FGF12: variants seen among roughly 807,000 people sequenced by gnomAD.
FGF12 encodes the protein fibroblast growth factor 12B.
In FGF12, 14 loss-of-function variants were observed where a neutral mutation model predicts 23.6. That is an observed-to-expected ratio of 0.59 (90% CI 0.39 to 0.93). The LOEUF is 0.93. Among genes scored for constraint, FGF12 ranks in the 40% least tolerant of loss-of-function variants. The pLI is 0.00. For synonymous variants in FGF12, 62 were observed against 77.3 expected, an observed-to-expected ratio of 0.80 and a Z score of 1.04; for missense variants, 175 against 217.8, an observed-to-expected ratio of 0.80 and a Z score of 1.24.
At chr3:192,625,191 G>A (rs1404506143) in intron 2 of FGF12, among the ~76,000 whole-genome samples, 2 of 152,026 alleles carry the variant, frequency 1.3e-5, no homozygotes, top group African/African-American at 4.8e-5. Flanking sequence ...TAAATTTCTG[G>A]AAGTAGAATT....
chr3:192,647,983 C>T lies in FGF12; in HGVS notation c.13+79198G>A, dbSNP rs1716077279. Among the ~76,000 whole-genome samples the T allele has an allele frequency of 2.0e-5, 3 of 152,044 alleles. No homozygotes were observed. In the South Asian group the frequency reaches 6.2e-4, roughly 32 times the overall value. ...TTATCAAATGTGATCCTCATATCTGCTCTATGAAATGAGCAGTGCAGAAAG... is the reference window on the plus strand; with the variant it reads ...TTATCAAATGTGATCCTCATATCTGTTCTATGAAATGAGCAGTGCAGAAAG... On this transcript the variant is annotated intron_variant, in intron 2 of 5. Transcript: ENST00000445105.
At chr3:192,538,280 T>G (rs1166141270) in intron 2 of FGF12, among the ~76,000 whole-genome samples, 1 of 151,940 alleles carries the variant, frequency 6.6e-6, no homozygotes, top group African/African-American at 2.4e-5. Flanking sequence ...GTTTTGTTTT[T>G]GTTTTTGTAT....
At chr3:192,577,986 G>T (rs1449886246) in intron 2 of FGF12, among the ~76,000 whole-genome samples, 1 of 152,198 alleles carries the variant, frequency 6.6e-6, no homozygotes, top group African/African-American at 2.4e-5. Flanking sequence ...GAAAGGTGCA[G>T]GGAGATAGCA....
chr3:192,514,487 G>T lies in FGF12; in HGVS notation c.14-153949C>A, dbSNP rs1432319585. Among the ~76,000 whole-genome samples the T allele has an allele frequency of 6.6e-6, 1 of 152,198 alleles. No individual in the cohort carries two copies. The highest frequency in any genetic ancestry group is 2.4e-5 in the African/African-American group (1 of 41,468). ...CGTCGATGACTTCAGGGATTTAAAA[G>T]AAAAAATACCCACAGACAGAACCAG... On this transcript the variant is annotated intron_variant, in intron 2 of 5. Coordinates refer to ENST00000445105, the MANE Select transcript of FGF12 (RefSeq NM_004113.6). The surrounding 1 kb of genome is among the most constrained non-coding windows in gnomAD (Gnocchi z 4.9).
intron 2 of FGF12, among the ~76,000 whole-genome samples, chr3:192,392,540 G>A (rs943790531): frequency 1.3e-5 from 2 of 150,094 alleles, no homozygotes; most frequent in Non-Finnish European, 2.9e-5. Flanking sequence ...AGGTTGCAGT[G>A]AACCAAGATT....
At chr3:192,612,967 T>C (rs181033564) in intron 2 of FGF12, among the ~76,000 whole-genome samples, 4 of 151,798 alleles carry the variant, frequency 2.6e-5, no homozygotes, top group Admixed American at 2.6e-4. Context: ...TAAAAATACT[T>C]TGGAACCACA....
At chr3:192,695,252 T>G (rs1718078446) in intron 2 of FGF12, among the ~76,000 whole-genome samples, 1 of 152,330 alleles carries the variant, frequency 6.6e-6, no homozygotes, top group East Asian at 1.9e-4. Context: ...TCGTTGTGTC[T>G]TATTCACATT....
chr3:192,561,932 AAG>A (rs1474510608), intron 2 of FGF12, among the ~76,000 whole-genome samples: 1 of 150,894 alleles, frequency 6.6e-6, no homozygotes, highest in Non-Finnish European at 1.5e-5. Flanking sequence ...AGAAAAAAAA[AAG>A]AAAATGACTT....
At chr3:192,616,210 T>C (rs927645196) in intron 2 of FGF12, among the ~76,000 whole-genome samples, 1 of 152,078 alleles carries the variant, frequency 6.6e-6, no homozygotes, top group Non-Finnish European at 1.5e-5. Context: ...GTGTGCCACA[T>C]TGTCACAGCC....
At chr3:192,359,643 T>C (rs986747818) in intron 3 of FGF12, among the ~76,000 whole-genome samples, 3 of 152,180 alleles carry the variant, frequency 2.0e-5, no homozygotes, top group Non-Finnish European at 2.9e-5. Context: ...CTGGAGCTTG[T>C]ATTTGACATT....
At chr3:192,401,089 A>G (rs1041995051) in intron 2 of FGF12, among the ~76,000 whole-genome samples, 1 of 152,384 alleles carries the variant, frequency 6.6e-6, no homozygotes, top group Non-Finnish European at 1.5e-5. Context: ...TAAAACAATA[A>G]TAAGCCCCAC....
chr3:192,481,093 A>G (rs992695477), intron 2 of FGF12, among the ~76,000 whole-genome samples: 1 of 152,192 alleles, frequency 6.6e-6, no homozygotes, highest in Non-Finnish European at 1.5e-5. Context: ...AGTAACTATA[A>G]TGCTGAAAGA....
At chr3:192,647,734 CAT>C (rs1716065685) in intron 2 of FGF12, among the ~76,000 whole-genome samples, 5 of 144,792 alleles carry the variant, frequency 3.5e-5, no homozygotes, top group African/African-American at 1.3e-4. Flanking sequence ...CACATATATA[CAT>C]ACATGTATAT....
rs1226821614 is a variant in FGF12, at chr3:192,336,115, AC to A, written c.125-652del. Among the ~76,000 whole-genome samples the A allele has an allele frequency of 6.7e-6, 1 of 148,686 alleles. No homozygotes were observed. Among genetic ancestry groups the A allele is most frequent in the Non-Finnish European group, 1.5e-5 (1 of 67,736 alleles). On this transcript the variant is annotated intron_variant, in intron 3 of 5. Coordinates refer to ENST00000445105, the MANE Select transcript of FGF12 (RefSeq NM_004113.6). This position sits in a 1 kb window ranked among gnomAD's most constrained non-coding sequence, Gnocchi z 4.3. ...TTATATCCAGGTGGGAAATACACAC[AC>A]ACACACACACACACACACACATATA...
At chr3:192,718,573 G>A (rs555891944) in intron 2 of FGF12, among the ~76,000 whole-genome samples, 4 of 152,118 alleles carry the variant, frequency 2.6e-5, no homozygotes, top group East Asian at 1.9e-4. Context: ...AAGATGGGGC[G>A]GGAATTAGGA....
chr3:192,448,347 G>A (rs1354556519), intron 2 of FGF12, among the ~76,000 whole-genome samples: 8 of 152,158 alleles, frequency 5.3e-5, no homozygotes, highest in Admixed American at 4.6e-4. Context: ...ATTTTCTGAT[G>A]TTAGAGCTAG....
chr3:192,612,527 T>C (rs1222463980), intron 2 of FGF12, among the ~76,000 whole-genome samples: 1 of 151,938 alleles, frequency 6.6e-6, no homozygotes, highest in East Asian at 1.9e-4. Flanking sequence ...GCTGATTAAA[T>C]ACATTATGAT....
intron 2 of FGF12, among the ~76,000 whole-genome samples, chr3:192,586,666 G>C (rs1713385380): frequency 6.6e-6 from 1 of 152,124 alleles, no homozygotes; most frequent in Non-Finnish European, 1.5e-5. Context: ...AGCAAGGAAG[G>C]CTCTATTTTC....
intron 5 of FGF12, among the ~76,000 whole-genome samples, chr3:192,165,608 T>C (rs1279390383): frequency 2.0e-5 from 3 of 152,186 alleles, no homozygotes; most frequent in Non-Finnish European, 4.4e-5. Context: ...CTTGCCTAGC[T>C]TGAACATGGC....
Sources: allele counts gnomAD v4.1 joint callset (sites outside exome capture counted in the v4.1 genomes callset), GRCh38; gene constraint gnomAD v4.1.1; non-coding constraint Gnocchi (gnomAD v3.1); transcripts MANE v1.5; gene names NCBI Gene and HGNC (gene_info 2026-07-23, HGNC 2026-07-21).